TLN2: variants seen among roughly 807,000 people sequenced by gnomAD.
TLN2 encodes talin 2.
TLN2 carries 118 observed loss-of-function variants against 294.7 expected under a neutral mutation model. That is an observed-to-expected ratio of 0.40 (90% CI 0.34 to 0.47). The LOEUF (loss-of-function observed/expected upper bound fraction) is 0.47, where lower values mean the gene tolerates loss of function less well. TLN2 is among the 20% of genes least tolerant of loss of function. The probability of loss-of-function intolerance (pLI) is 0.84; values close to 1 mark genes in which losing one functional copy is unlikely to be tolerated. For synonymous variants in TLN2, 1,431 were observed against 1,304.5 expected (o/e 1.10, Z -2.09); for missense variants, 3,083 against 3,282.2 (o/e 0.94, Z 1.48).
chr15:62,664,857 CAAAAA>C (rs10634187), intron 9 of TLN2, among the ~76,000 whole-genome samples: 4 of 29,212 alleles, frequency 1.4e-4, no homozygotes, highest in Non-Finnish European at 1.8e-4. Flanking sequence ...GAAACTGTCT[CAAAAA>C]AAAAAAAAAA....
At chr15:62,393,265 A>T (rs2032249955) in intron 1 of TLN2, among the ~76,000 whole-genome samples, 1 of 152,130 alleles carries the variant, frequency 6.6e-6, no homozygotes, top group Non-Finnish European at 1.5e-5. Flanking sequence ...TTTGGCATTG[A>T]TGTGGAGCTT....
At chr15:62,831,126 C>A (rs546342577) in intron 54 of TLN2, 1 of 151,518 alleles carries the variant, frequency 6.6e-6, no homozygotes, top group East Asian at 1.9e-4. Flanking sequence ...ATCAGATCTA[C>A]CCCTGCTAAA....
intron 15 of TLN2, 128 bp downstream of exon 15, chr15:62,697,996 C>T: frequency 3.3e-6 from 4 of 1,211,264 alleles, no homozygotes; most frequent in Non-Finnish European, 4.5e-6. Flanking sequence ...ATGCCTCGTT[C>T]AGCTGTGCAT....
chr15:62,708,057 AC>A (rs141470920), intron 20 of TLN2, among the ~76,000 whole-genome samples: 2,082 of 151,402 alleles, frequency 0.014, 55 homozygotes, highest in African/African-American at 0.049. Context: ...AACTGACAGA[AC>A]CCCCCTGTTC....
chr15:62,692,417 G>A (rs2057998279), intron 12 of TLN2, among the ~76,000 whole-genome samples: 1 of 152,220 alleles, frequency 6.6e-6, no homozygotes, highest in Admixed American at 6.5e-5. Context: ...ATCAGCCCAG[G>A]TTGTTGAGCT....
intron 2 of TLN2, among the ~76,000 whole-genome samples, chr15:62,603,239 A>G (rs2047150327): frequency 6.6e-6 from 1 of 151,390 alleles, no homozygotes; most frequent in Non-Finnish European, 1.5e-5. Context: ...GTTTTCTCCT[A>G]CCCCATAGGT....
At chr15:62,399,252 C>CAAAAAA in intron 1 of TLN2, among the ~76,000 whole-genome samples, 1 of 2,580 alleles carries the variant, frequency 3.9e-4, no homozygotes, top group Non-Finnish European at 1.4e-3. Flanking sequence ...GACTCCGTCT[C>CAAAAAA]AAACAAAAAA....
At chr15:62,825,727 A>T (rs8031739) in intron 54 of TLN2, among the ~76,000 whole-genome samples, 102,794 of 112,012 alleles carry the variant, frequency 0.92, 47,227 homozygotes, top group Non-Finnish European at 0.96. Context: ...AATATATATA[A>T]AAATATATTT....
chr15:62,478,323 G>A (rs1361446436), intron 1 of TLN2, among the ~76,000 whole-genome samples: 4 of 152,092 alleles, frequency 2.6e-5, no homozygotes, highest in Admixed American at 6.5e-5. Flanking sequence ...AGATGGGGTC[G>A]CTTATTATTT....
chr15:62,741,835 T>C (rs1419222507), intron 32 of TLN2, among the ~76,000 whole-genome samples: 1 of 149,994 alleles, frequency 6.7e-6, no homozygotes, highest in Admixed American at 6.7e-5. Flanking sequence ...ACCTGAATTA[T>C]ATTCCAAGCT....
intron 51 of TLN2, among the ~76,000 whole-genome samples, chr15:62,809,512 G>T (rs1204141843): frequency 6.6e-6 from 1 of 152,090 alleles, no homozygotes; most frequent in Non-Finnish European, 1.5e-5. Flanking sequence ...AGCAGAGAGG[G>T]GCTTTCAGGA....
intron 3 of TLN2, among the ~76,000 whole-genome samples, chr15:62,642,917 G>T (rs1210670805): frequency 6.6e-6 from 1 of 152,114 alleles, no homozygotes; most frequent in Non-Finnish European, 1.5e-5. Context: ...GGCCAGGCTG[G>T]TCTTGAACTC....
intron 1 of TLN2, among the ~76,000 whole-genome samples, chr15:62,497,380 G>A (rs970051325): frequency 3.9e-5 from 6 of 152,282 alleles, no homozygotes; most frequent in South Asian, 2.1e-4. Flanking sequence ...GGTGAAATGC[G>A]GTTAGGCTAA....
At chr15:62,504,844 TGTGA>T (rs1475127277) in intron 1 of TLN2, among the ~76,000 whole-genome samples, 11 of 142,128 alleles carry the variant, frequency 7.7e-5, no homozygotes, top group African/African-American at 3.0e-4. Context: ...TGTGTGTGTG[TGTGA>T]GAGAGAGAGA....
Position 62,736,954 on chromosome 15 carries a change from C to G in TLN2, c.3435C>G (p.Thr1145=). ...CCCGTGGAGTGGCTGCATCGACAAC[C>G]GACCCCGCGGCCGCCCATGCCATGT... is the stretch of plus-strand genomic sequence containing the variant. The part of the protein sequence containing the change: ...QAARGVAAST[T]DPAAAHAMLD... The change falls in exon 29 of 59, where the codon ACC becomes ACG. Residue 1145 remains threonine (T), a synonymous_variant. Transcript: ENST00000636159. 1 of 1,614,198 alleles carries G rather than the reference C, an allele frequency of 6.2e-7. No individual in the cohort carries two copies.
At chr15:62,771,957 T>C (rs758504644) in intron 42 of TLN2, among the ~76,000 whole-genome samples, 1 of 152,214 alleles carries the variant, frequency 6.6e-6, no homozygotes, top group Non-Finnish European at 1.5e-5. Context: ...TCATGGACTT[T>C]CCTTTTCTTT....
Position 62,783,826 on chromosome 15 carries a change from C to T in TLN2, c.5672C>T (p.Thr1891Ile), listed in dbSNP as rs761064562. 2 of 1,613,644 alleles carry T rather than the reference C, an allele frequency of 1.2e-6. No individual in the cohort carries two copies. Among genetic ancestry groups the T allele is most frequent in the South Asian group, 1.1e-5 (1 of 91,070 alleles). The change falls in exon 45 of 59, where the codon ACC becomes ATC. Residue 1891 changes from threonine (T) to isoleucine (I), a missense_variant. By Grantham distance (89) the Thr-to-Ile change is moderately conservative. Coordinates refer to ENST00000636159, the MANE Select transcript of TLN2 (RefSeq NM_015059.3). Reference protein sequence around the residue: ...EELGGLASQMTSDYGHLAFQG... With the variant: ...EELGGLASQMISDYGHLAFQG... ...TTGGGAGGACTGGCTTCACAAATGA[C>T]CAGTGACTATGGGCACCTGGCTTTC... is the stretch of plus-strand genomic sequence containing the variant.
intron 50 of TLN2, among the ~76,000 whole-genome samples, chr15:62,801,165 A>G (rs938546189): frequency 2.0e-5 from 3 of 152,208 alleles, no homozygotes; most frequent in African/African-American, 7.2e-5. Flanking sequence ...ACCCGCACAC[A>G]TGCAAAATTG....
intron 1 of TLN2, among the ~76,000 whole-genome samples, chr15:62,502,914 G>T (rs1388238971): frequency 6.6e-6 from 1 of 152,178 alleles, no homozygotes; most frequent in East Asian, 1.9e-4. Context: ...GGCTGTTAAA[G>T]AGCCCAGAGG....
Sources: allele counts gnomAD v4.1 joint callset (sites outside exome capture counted in the v4.1 genomes callset), GRCh38; gene constraint gnomAD v4.1.1; transcripts MANE v1.5; gene names NCBI Gene and HGNC (gene_info 2026-07-23, HGNC 2026-07-21).